KIAA1328: variants seen among roughly 807,000 people sequenced by gnomAD.
KIAA1328 encodes KIAA1328.
A neutral mutation model predicts 68.1 loss-of-function variants in KIAA1328; 52 were observed. That is an observed-to-expected ratio of 0.76 (90% CI 0.61 to 0.96). The LOEUF (loss-of-function observed/expected upper bound fraction) is 0.96. Among genes scored for constraint, KIAA1328 ranks in the 40% least tolerant of loss-of-function variants. The probability of loss-of-function intolerance (pLI) is 0.00; values close to 1 mark genes in which losing one functional copy is unlikely to be tolerated. For synonymous variants in KIAA1328, 232 were observed against 239.4 expected, an observed-to-expected ratio of 0.97 and a Z score of 0.28; for missense variants, 641 against 677.6, an observed-to-expected ratio of 0.95 and a Z score of 0.60.
At chr18:36,923,830 T>C (rs1394643799) in intron 5 of KIAA1328, 1 of 152,236 alleles carries the variant, frequency 6.6e-6, no homozygotes, top group African/African-American at 2.4e-5. Context: ...TGGTATTATG[T>C]AGAACATAAA....
chr18:37,043,712 T>G (rs966033934), intron 6 of KIAA1328, among the ~76,000 whole-genome samples: 1 of 152,218 alleles, frequency 6.6e-6, no homozygotes, highest in African/African-American at 2.4e-5. Context: ...TTGAGCAAGA[T>G]ATCATGTTCA....
chr18:36,940,780 A>G (rs1442451912), intron 5 of KIAA1328, among the ~76,000 whole-genome samples: 1 of 149,900 alleles, frequency 6.7e-6, no homozygotes, highest in African/African-American at 2.5e-5. Flanking sequence ...GGTTCAAGCG[A>G]TTATCCTGCC....
At chr18:37,027,592 A>G (rs1327517674) in intron 6 of KIAA1328, among the ~76,000 whole-genome samples, 2 of 152,244 alleles carry the variant, frequency 1.3e-5, no homozygotes, top group South Asian at 4.1e-4. Context: ...ATCTTTGACA[A>G]ACCTGACAAA....
intron 7 of KIAA1328, among the ~76,000 whole-genome samples, chr18:37,076,366 C>T (rs954491522): frequency 6.6e-6 from 1 of 151,802 alleles, no homozygotes; most frequent in African/African-American, 2.4e-5. Flanking sequence ...CACTAAATGC[C>T]CACAAGAGAA....
intron 7 of KIAA1328, among the ~76,000 whole-genome samples, chr18:37,146,211 A>G (rs1156848629): frequency 6.6e-6 from 1 of 151,862 alleles, no homozygotes. Flanking sequence ...AGTACCCAAT[A>G]TTTATTTTTT....
At chr18:36,889,603 T>C (rs922703208) in intron 5 of KIAA1328, among the ~76,000 whole-genome samples, 1 of 152,226 alleles carries the variant, frequency 6.6e-6, no homozygotes, top group Non-Finnish European at 1.5e-5. Context: ...GGAAAGTTAC[T>C]GAACTTCTCT....
chr18:36,835,161 G>A, intron 2 of KIAA1328, 73 bp from the exon 3 acceptor site: 1 of 1,329,268 alleles, frequency 7.5e-7, no homozygotes, highest in South Asian at 1.5e-5. Flanking sequence ...AGGATTCCAA[G>A]GAAGGAGTTG....
chr18:37,043,005 C>A (rs558987145), intron 6 of KIAA1328, among the ~76,000 whole-genome samples: 3 of 151,902 alleles, frequency 2.0e-5, no homozygotes, highest in African/African-American at 7.3e-5. Context: ...TGCTGTTTCC[C>A]TTCTGCTGTT....
chr18:36,857,475 A>G (rs2047423174), intron 4 of KIAA1328, among the ~76,000 whole-genome samples: 1 of 152,174 alleles, frequency 6.6e-6, no homozygotes, highest in Non-Finnish European at 1.5e-5. Context: ...AACAAGGTCC[A>G]TATTGTCCCA....
chr18:37,041,062 G>T (rs2055224689), intron 6 of KIAA1328, among the ~76,000 whole-genome samples: 2 of 151,908 alleles, frequency 1.3e-5, no homozygotes, highest in Non-Finnish European at 2.9e-5. Flanking sequence ...TAACAGTTCA[G>T]TCAAGTTGAT....
At chr18:36,983,387 A>G (rs1470589516) in intron 6 of KIAA1328, among the ~76,000 whole-genome samples, 1 of 152,074 alleles carries the variant, frequency 6.6e-6, no homozygotes, top group Non-Finnish European at 1.5e-5. Context: ...TACTTAAAAA[A>G]CAGAGTTAAA....
intron 5 of KIAA1328, among the ~76,000 whole-genome samples, chr18:36,942,111 G>A (rs1159910281): frequency 1.3e-5 from 2 of 152,220 alleles, no homozygotes; most frequent in African/African-American, 2.4e-5. Flanking sequence ...GGTTGCTGAA[G>A]TGGGATATAA....
intron 3 of KIAA1328, among the ~76,000 whole-genome samples, chr18:36,840,234 C>T (rs888552925): frequency 6.6e-6 from 1 of 152,120 alleles, no homozygotes; most frequent in Admixed American, 6.5e-5. Flanking sequence ...TTCTGTGTTG[C>T]CTGCTATCCA....
chr18:37,002,949 C>T lies in KIAA1328; in HGVS notation c.576+43514C>T, dbSNP rs543853735. Among the ~76,000 whole-genome samples, 6 of 152,092 alleles carry T rather than the reference C, an allele frequency of 3.9e-5. No homozygotes were observed. In the East Asian group the frequency reaches 7.7e-4, roughly 20 times the overall value. On this transcript the variant is annotated intron_variant, in intron 6 of 9. Transcript: ENST00000280020. ...ACTTTAAAATATATTGTAAGACCATCGGAACCAAAATAGTATGCCATTGAT... is the reference window on the plus strand; with the variant it reads ...ACTTTAAAATATATTGTAAGACCATTGGAACCAAAATAGTATGCCATTGAT...
chr18:37,163,548 A>G (rs1489427307), intron 8 of KIAA1328, among the ~76,000 whole-genome samples: 1 of 152,162 alleles, frequency 6.6e-6, no homozygotes, highest in East Asian at 1.9e-4. Context: ...AGTAACTCCC[A>G]AACACATATT....
intron 5 of KIAA1328, among the ~76,000 whole-genome samples, chr18:36,893,800 A>C (rs1234658074): frequency 6.6e-6 from 1 of 152,166 alleles, no homozygotes. Flanking sequence ...ATTAAAAAAC[A>C]CAGAAGAACT....
At chr18:36,951,834 G>A (rs572262381) in intron 5 of KIAA1328, among the ~76,000 whole-genome samples, 24 of 152,068 alleles carry the variant, frequency 1.6e-4, no homozygotes, top group African/African-American at 4.1e-4. Context: ...TTATTACTCC[G>A]GCTCATGCCC....
At chr18:36,853,251 A>G (rs1177938975) in intron 4 of KIAA1328, among the ~76,000 whole-genome samples, 1 of 152,228 alleles carries the variant, frequency 6.6e-6, no homozygotes, top group Non-Finnish European at 1.5e-5. Context: ...TAGTTAGATT[A>G]TGACTTTTAA....
At chr18:36,831,504 A>AT (rs1396947829) in intron 1 of KIAA1328, among the ~76,000 whole-genome samples, 2 of 152,180 alleles carry the variant, frequency 1.3e-5, no homozygotes, top group Non-Finnish European at 2.9e-5. Flanking sequence ...GTTCCTAGTA[A>AT]TGTCAGAATG....
Sources: allele counts gnomAD v4.1 joint callset (sites outside exome capture counted in the v4.1 genomes callset), GRCh38; gene constraint gnomAD v4.1.1; transcripts MANE v1.5; gene names NCBI Gene and HGNC (gene_info 2026-07-23, HGNC 2026-07-21).